Variants in FAM135A observed in about 807,000 individuals in gnomAD.
The protein encoded by FAM135A is protein FAM135A.
FAM135A carries 79 observed loss-of-function variants against 146.8 expected under a neutral mutation model. That is an observed-to-expected ratio of 0.54 (90% CI 0.45 to 0.65). The LOEUF is 0.65. Among genes scored for constraint, FAM135A ranks in the 30% least tolerant of loss-of-function variants. FAM135A has a pLI of 0.00. For missense variants in FAM135A, 1,623 were observed against 1,758.2 expected (o/e 0.92, Z 1.38); for synonymous variants, 562 against 603.6 (o/e 0.93, Z 1.01).
chr6:70,413,679 G>A lies in FAM135A; in HGVS notation c.-243G>A, dbSNP rs1048019073. 6.1e-5 allele frequency: 27 copies of A among 442,416 alleles called. No homozygotes were observed. Among genetic ancestry groups the A allele is most frequent in the Non-Finnish European group, 6.9e-5 (23 of 333,180 alleles). The allele number at this position is 442,416 out of a possible 1,614,324, so 27.4% of individuals were successfully genotyped here. ...CGAGCTCCTCCGTTCGACAGGCGGG[G>A]GAAGAGGCCGAGCCGGGCGAGAGGT... On this transcript the variant is annotated 5_prime_UTR_variant, in exon 1 of 22. Coordinates refer to ENST00000418814, the MANE Select transcript of FAM135A (RefSeq NM_001162529.3).
chr6:70,477,104 A>G (rs1782757603), intron 7 of FAM135A, 55 bp from the exon 8 acceptor site: 38 of 1,518,572 alleles, frequency 2.5e-5, no homozygotes, highest in Non-Finnish European at 3.3e-5. Flanking sequence ...ACTTTATAAT[A>G]TATTGGCGTT....
At chr6:70,518,231 G>C (rs1170547284) in intron 12 of FAM135A, among the ~76,000 whole-genome samples, 1 of 152,202 alleles carries the variant, frequency 6.6e-6, no homozygotes, top group Admixed American at 6.5e-5. Context: ...GATCAAACCA[G>C]CCACAACAGT....
At chr6:70,499,994 T>G (rs1187282128) in intron 11 of FAM135A, among the ~76,000 whole-genome samples, 1 of 152,180 alleles carries the variant, frequency 6.6e-6, no homozygotes, top group Non-Finnish European at 1.5e-5. Context: ...AGTGCTGTTC[T>G]CTGTATTTCC....
At chr6:70,430,269 G>A (rs1038156736) in intron 4 of FAM135A, among the ~76,000 whole-genome samples, 2 of 151,820 alleles carry the variant, frequency 1.3e-5, no homozygotes, top group Admixed American at 6.6e-5. Context: ...CCCAGGAGAC[G>A]TAGGTTTCAG....
At chr6:70,435,493 G>A (rs923835833) in intron 4 of FAM135A, among the ~76,000 whole-genome samples, 6 of 151,878 alleles carry the variant, frequency 4.0e-5, no homozygotes, top group Non-Finnish European at 8.8e-5. Context: ...CTGTAAACCA[G>A]GTTTGATACA....
chr6:70,516,039 C>G (rs1196660710), intron 12 of FAM135A, among the ~76,000 whole-genome samples: 1 of 152,072 alleles, frequency 6.6e-6, no homozygotes, highest in Non-Finnish European at 1.5e-5. Flanking sequence ...TTTCCTGATG[C>G]TTTGCCTGTC....
At chr6:70,536,150 T>C in intron 18 of FAM135A, 110 bp from the exon 19 acceptor site, 1 of 1,024,402 alleles carries the variant, frequency 9.8e-7, no homozygotes, top group African/African-American at 1.6e-5. Flanking sequence ...TTTACAACAT[T>C]AGAAATTTTC....
intron 5 of FAM135A, among the ~76,000 whole-genome samples, chr6:70,467,580 C>A (rs1780705940): frequency 6.6e-6 from 1 of 151,842 alleles, no homozygotes. Flanking sequence ...TTTTCTTCTC[C>A]TTTTTCCCGT....
At position 70,426,224 on chromosome 6, in the gene FAM135A, T is replaced by C. The variant is rs1268993965; in HGVS notation, c.-133-215T>C. Among the ~76,000 whole-genome samples, 5 of 152,328 alleles carry C rather than the reference T, an allele frequency of 3.3e-5. No individual in the cohort carries two copies. In the East Asian group the frequency reaches 9.6e-4, roughly 29 times the overall value. On this transcript the variant is annotated intron_variant, in intron 2 of 21. Coordinates refer to ENST00000418814, the MANE Select transcript of FAM135A (RefSeq NM_001162529.3). ...CTATTTGTTATTGTACTTTGAATTATATGTAAGTGAATCCTTAATAGAGAT... is the reference window on the plus strand; with the variant it reads ...CTATTTGTTATTGTACTTTGAATTACATGTAAGTGAATCCTTAATAGAGAT...
chr6:70,540,287 T>A (rs1797646537), intron 20 of FAM135A, among the ~76,000 whole-genome samples: 2 of 151,458 alleles, frequency 1.3e-5, no homozygotes, highest in Non-Finnish European at 2.9e-5. Flanking sequence ...CCTTCTCATC[T>A]GCTTTTTAGA....
At chr6:70,538,849 T>TATTATATTAG (rs1319226233) in intron 20 of FAM135A, among the ~76,000 whole-genome samples, 9 of 143,372 alleles carry the variant, frequency 6.3e-5, no homozygotes, top group Admixed American at 6.2e-4. Flanking sequence ...TATTATATTA[T>TATTATATTAG]ATTATATTAT....
chr6:70,516,530 CTT>C (rs1174927909), intron 12 of FAM135A, among the ~76,000 whole-genome samples: 1,344 of 84,812 alleles, frequency 0.016, 7 homozygotes, highest in African/African-American at 0.064. Flanking sequence ...ATTTTCTTTT[CTT>C]TTTTTTTTTT....
At chr6:70,519,462 A>G (rs1005115165) in intron 12 of FAM135A, among the ~76,000 whole-genome samples, 3 of 152,198 alleles carry the variant, frequency 2.0e-5, no homozygotes, top group African/African-American at 2.4e-5. Flanking sequence ...TTGAAGTTCT[A>G]CTCTGGGTAA....
chr6:70,477,477 T>C (rs1782850105), intron 8 of FAM135A, 145 bp downstream of exon 8: 9 of 881,688 alleles, frequency 1.0e-5, no homozygotes, highest in Non-Finnish European at 1.5e-5. Context: ...GGCATCTGCT[T>C]AACTTCTGGG....
At chr6:70,436,809 C>T (rs1773275628) in intron 4 of FAM135A, among the ~76,000 whole-genome samples, 1 of 152,172 alleles carries the variant, frequency 6.6e-6, no homozygotes, top group Non-Finnish European at 1.5e-5. Context: ...TCCCAACAAT[C>T]TGCCATTACT....
At position 70,464,658 on chromosome 6, in the gene FAM135A, C is replaced by CTTT. The variant is rs754818109; in HGVS notation, c.158-10746_158-10744dup. ...TTTAAATTTCTTTCTTTCTTTCTTT[C>CTTT]TTTTTTTTCTTTTTTTTTTTTTTTT... is the stretch of plus-strand genomic sequence containing the variant. On this transcript the variant is annotated intron_variant, in intron 5 of 21. Coordinates refer to ENST00000418814, the MANE Select transcript of FAM135A (RefSeq NM_001162529.3). Among the ~76,000 whole-genome samples, 341 of 100,360 alleles carry CTTT rather than the reference C, an allele frequency of 3.4e-3. 30 individuals are homozygous for CTTT. The highest frequency in any genetic ancestry group is 0.012 in the African/African-American group (318 of 26,634). 65.8% of individuals were successfully genotyped at this position (100,360 alleles called of 152,430 possible).
chr6:70,541,535 T>A (rs1797919300), intron 20 of FAM135A, among the ~76,000 whole-genome samples: 1 of 152,192 alleles, frequency 6.6e-6, no homozygotes, highest in African/African-American at 2.4e-5. Flanking sequence ...TTCTTTTCTT[T>A]CCTTGCCCCT....
chr6:70,558,962 A>G (rs1288778482), intron 21 of FAM135A, among the ~76,000 whole-genome samples: 1 of 152,262 alleles, frequency 6.6e-6, no homozygotes, highest in Non-Finnish European at 1.5e-5. Flanking sequence ...TTCTTAAAAT[A>G]ATTTGGAAAT....
intron 11 of FAM135A, among the ~76,000 whole-genome samples, chr6:70,492,065 A>G (rs962204612): frequency 6.6e-6 from 1 of 151,844 alleles, no homozygotes; most frequent in Admixed American, 6.6e-5. Context: ...GCTAAGAAAA[A>G]CTTTTTTTAA....
Sources: gnomAD v4.1 joint callset for allele counts (sites outside exome capture counted in the v4.1 genomes callset) on GRCh38, gnomAD v4.1.1 for gene constraint, MANE v1.5 for transcripts, NCBI Gene and HGNC (gene_info 2026-07-23, HGNC 2026-07-21) for gene names.